Variants in SARS1 observed in about 807,000 individuals in gnomAD.
SARS1 encodes the protein seryl-tRNA synthetase 1.
Under a neutral mutation model 63.7 loss-of-function variants are expected in SARS1, and 25 were observed. The observed-to-expected ratio is 0.39, with a 90% CI of 0.29 to 0.55. SARS1 has a LOEUF of 0.55. SARS1 is among the 20% of genes least tolerant of loss of function. The probability of loss-of-function intolerance (pLI) is 0.62; values close to 1 mark genes in which losing one functional copy is unlikely to be tolerated. For missense variants in SARS1, 417 were observed against 649.7 expected (o/e 0.64, Z 3.89); for synonymous variants, 231 against 243.5 (o/e 0.95, Z 0.48).
chr1:109,229,314 G>C (rs1655156334), intron 3 of SARS1, 100 bp from the exon 4 acceptor site: 1 of 1,194,426 alleles, frequency 8.4e-7, no homozygotes, highest in Non-Finnish European at 1.2e-6. Flanking sequence ...TACCACAAGG[G>C]CTATCTTTAG....
chr1:109,225,566 A>G (rs931486910), intron 2 of SARS1, among the ~76,000 whole-genome samples: 15 of 152,308 alleles, frequency 9.8e-5, no homozygotes, highest in Admixed American at 2.6e-4. Context: ...GTTGCTAGCC[A>G]TGCAGGGAGT....
intron 4 of SARS1, among the ~76,000 whole-genome samples, chr1:109,230,081 G>A (rs536925236): frequency 6.6e-6 from 1 of 152,130 alleles, no homozygotes; most frequent in East Asian, 1.9e-4. Flanking sequence ...GCTGGGGTGT[G>A]CAGGAGGCTG....
intron 9 of SARS1, chr1:109,236,836 A>G (rs777470732): frequency 3.4e-5 from 54 of 1,603,212 alleles, no homozygotes; most frequent in Middle Eastern, 3.3e-4. Flanking sequence ...TCTACACAGA[A>G]CAAGTTGGAG....
chr1:109,232,227 C>T (rs1655225360), intron 6 of SARS1, among the ~76,000 whole-genome samples: 1 of 152,192 alleles, frequency 6.6e-6, no homozygotes, highest in Admixed American at 6.5e-5. Context: ...GACATACTTG[C>T]CTTGGGATGG....
chr1:109,214,474 A>G lies in SARS1; in HGVS notation c.136+346A>G. ...GTGGGGTCTACGCGGCTTTCCTAAC[A>G]CGAATCTTTGGTCCCCCCCAGTCTT... On this transcript the variant is annotated intron_variant, in intron 1 of 10. Transcript: ENST00000234677. This position sits in a 1 kb window ranked among gnomAD's most constrained non-coding sequence, Gnocchi z 4.6. 1 of 998,940 alleles carries G rather than the reference A, an allele frequency of 1.0e-6. No individual in the cohort carries two copies. The highest frequency in any genetic ancestry group is 1.2e-6 in the Non-Finnish European group (1 of 819,262). 61.9% of individuals were successfully genotyped at this position (998,940 alleles called of 1,614,324 possible). A position where few individuals can be genotyped will look rare whatever the true frequency, so the allele number is the denominator to read the frequency against.
At chr1:109,222,752 G>A (rs373784062) in intron 1 of SARS1, among the ~76,000 whole-genome samples, 11 of 152,200 alleles carry the variant, frequency 7.2e-5, no homozygotes, top group African/African-American at 2.2e-4. Flanking sequence ...GCTCACACCT[G>A]TAATTCTAGC....
intron 1 of SARS1, among the ~76,000 whole-genome samples, chr1:109,221,989 TA>T (rs2101188156): frequency 8.2e-5 from 1 of 12,138 alleles, no homozygotes; most frequent in African/African-American, 2.9e-4. Context: ...TATATATATA[TA>T]TATATATATA....
chr1:109,232,761 T>C (rs1415945256), intron 6 of SARS1, among the ~76,000 whole-genome samples: 6 of 152,212 alleles, frequency 3.9e-5, no homozygotes, highest in Admixed American at 2.6e-4. Flanking sequence ...ACCTTTTCTT[T>C]CTTTTTCTAA....
At chr1:109,216,610 G>C in intron 1 of SARS1, 1 of 974,862 alleles carries the variant, frequency 1.0e-6, no homozygotes. Context: ...TCTTTTTACT[G>C]TACATTGAAA....
intron 5 of SARS1, 76 bp from the exon 6 acceptor site, chr1:109,231,555 C>A: frequency 7.8e-7 from 1 of 1,275,682 alleles, no homozygotes; most frequent in Non-Finnish European, 1.0e-6. Context: ...GGCCCAGGTG[C>A]CTTTAGGTGT....
chr1:109,215,624 T>G (rs561223275), intron 1 of SARS1: 7 of 977,768 alleles, frequency 7.2e-6, no homozygotes, highest in Non-Finnish European at 8.5e-6. Context: ...CTTTATATTC[T>G]TTATGAAAAG....
intron 1 of SARS1, chr1:109,215,447 G>A: frequency 1.0e-6 from 1 of 985,292 alleles, no homozygotes; most frequent in Non-Finnish European, 1.2e-6. Context: ...GTAGATAGGT[G>A]GTGAGTTCTT....
At chr1:109,236,274 G>C in intron 8 of SARS1, 117 bp from the exon 9 acceptor site, 1 of 1,305,124 alleles carries the variant, frequency 7.7e-7, no homozygotes, top group Admixed American at 2.2e-5. Flanking sequence ...AGAATATCTG[G>C]GTGTGATTTC....
Position 109,230,790 on chromosome 1 carries a change from G to GT in SARS1, c.448-87dup, listed in dbSNP as rs1227572349. On this transcript the variant is annotated intron_variant, in intron 4 of 10. Coordinates refer to ENST00000234677, the MANE Select transcript of SARS1 (RefSeq NM_006513.4). ...ATTGCACTCCAGCCTGGATGACGGCGTAAGACCCTGTCTCCAAAAAAAAAA... is the reference window on the plus strand; with the variant it reads ...ATTGCACTCCAGCCTGGATGACGGCGTTAAGACCCTGTCTCCAAAAAAAAAA... The GT allele has an allele frequency of 6.4e-6, 8 of 1,240,896 alleles. No individual in the cohort carries two copies. In the South Asian group the frequency reaches 1.1e-4, roughly 16 times the overall value. The allele number at this position is 1,240,896 out of a possible 1,614,324, so 76.9% of individuals were successfully genotyped here. A position where few individuals can be genotyped will look rare whatever the true frequency, so the allele number is the denominator to read the frequency against.
At position 109,214,695 on chromosome 1, in the gene SARS1, G is replaced by C; in HGVS notation, c.136+567G>C. 1.0e-6 allele frequency: 1 copy of C among 985,488 alleles called. No individual in the cohort carries two copies. Among genetic ancestry groups the C allele is most frequent in the Non-Finnish European group, 1.2e-6 (1 of 829,994 alleles). 61.0% of individuals were successfully genotyped at this position (985,488 alleles called of 1,614,324 possible). On this transcript the variant is annotated intron_variant, in intron 1 of 10. Transcript: ENST00000234677. The surrounding 1 kb of genome is among the most constrained non-coding windows in gnomAD (Gnocchi z 4.6). Reference sequence around the variant, plus strand: ...TCGGAAGGCCATCCCCCGACCTATGGGCATACCTTTAAGAATTAGAAAAGT... The same window carrying C: ...TCGGAAGGCCATCCCCCGACCTATGCGCATACCTTTAAGAATTAGAAAAGT...
In SARS1 at chr1:109,214,935, G is replaced by A. The variant is rs1325071620; in HGVS notation, c.136+807G>A. 1.0e-6 allele frequency: 1 copy of A among 985,342 alleles called. No individual in the cohort carries two copies. The highest frequency in any genetic ancestry group is 1.2e-6 in the Non-Finnish European group (1 of 829,950). The allele number at this position is 985,342 out of a possible 1,614,324, so 61.0% of individuals were successfully genotyped here. A position where few individuals can be genotyped will look rare whatever the true frequency, so the allele number is the denominator to read the frequency against. ...ACCATCTGCCCATAAATCTCTGCCT[G>A]TATTAACTGGAGTGGTCGCTGGTTG... On this transcript the variant is annotated intron_variant, in intron 1 of 10. Transcript: ENST00000234677. The surrounding 1 kb of genome is among the most constrained non-coding windows in gnomAD (Gnocchi z 4.6).
At chr1:109,213,909 C>T (rs1323786090), upstream of SARS1, 1 of 1,464,680 alleles carries the variant, frequency 6.8e-7, no homozygotes, top group African/African-American at 1.5e-5. Flanking sequence ...GGCGGGTCAG[C>T]GCGCCGGCGC....
intron 2 of SARS1, among the ~76,000 whole-genome samples, chr1:109,225,219 A>G (rs887332954): frequency 3.9e-5 from 6 of 152,238 alleles, no homozygotes; most frequent in African/African-American, 1.4e-4. Context: ...TTGGAACTGC[A>G]CCAGTAAAGA....
At chr1:109,220,184 A>T (rs1654898788) in intron 1 of SARS1, among the ~76,000 whole-genome samples, 1 of 152,212 alleles carries the variant, frequency 6.6e-6, no homozygotes, top group African/African-American at 2.4e-5. Flanking sequence ...GTACATTCTT[A>T]TGTGTGTCTT....
Sources: gnomAD v4.1 joint callset for allele counts (sites outside exome capture counted in the v4.1 genomes callset) on GRCh38, gnomAD v4.1.1 for gene constraint, Gnocchi (gnomAD v3.1) non-coding constraint, MANE v1.5 for transcripts, NCBI Gene and HGNC (gene_info 2026-07-23, HGNC 2026-07-21) for gene names.